BMPER: variants seen among roughly 807,000 people sequenced by gnomAD.
BMPER encodes BMP-binding endothelial regulator protein.
BMPER carries 45 observed loss-of-function variants against 87.3 expected under a neutral mutation model. The observed-to-expected ratio is 0.52, with a 90% CI of 0.41 to 0.66. BMPER has a LOEUF of 0.66. BMPER is among the 30% of genes least tolerant of loss of function. BMPER has a pLI of 0.00. For synonymous variants in BMPER, 326 were observed against 316.2 expected (o/e 1.03, Z -0.33); for missense variants, 784 against 867.5 (o/e 0.90, Z 1.21).
intron 6 of BMPER, among the ~76,000 whole-genome samples, chr7:33,986,703 T>C (rs1264876996): frequency 6.6e-6 from 1 of 152,070 alleles, no homozygotes; most frequent in Non-Finnish European, 1.5e-5. Flanking sequence ...AGTCTAAGAA[T>C]GTATCATTCT....
At chr7:34,123,006 C>G (rs1790302022) in intron 13 of BMPER, among the ~76,000 whole-genome samples, 1 of 152,134 alleles carries the variant, frequency 6.6e-6, no homozygotes, top group South Asian at 2.1e-4. Context: ...TTTAAGAACT[C>G]TATATCAGCC....
intron 6 of BMPER, among the ~76,000 whole-genome samples, chr7:33,992,738 T>G (rs1786262044): frequency 6.7e-6 from 1 of 150,366 alleles, no homozygotes; most frequent in Admixed American, 6.6e-5. Flanking sequence ...TTTGGCATGA[T>G]TTTGCAGCGG....
intron 6 of BMPER, among the ~76,000 whole-genome samples, chr7:33,990,121 A>T (rs1430401993): frequency 1.4e-5 from 2 of 148,092 alleles, no homozygotes; most frequent in Admixed American, 1.4e-4. Flanking sequence ...TGCCATATGA[A>T]CTTTAAAGTA....
chr7:34,037,646 AGACTG>A (rs1371795901), intron 6 of BMPER, among the ~76,000 whole-genome samples: 1 of 152,242 alleles, frequency 6.6e-6, no homozygotes, highest in African/African-American at 2.4e-5. Context: ...CTGGCCAGCA[AGACTG>A]GCATAGCGCC....
At chr7:34,046,468 G>T (rs1311256690) in intron 7 of BMPER, 63 bp downstream of exon 7, 3 of 1,507,374 alleles carry the variant, frequency 2.0e-6, no homozygotes, top group Non-Finnish European at 2.8e-6. Flanking sequence ...TGCTGGGAGT[G>T]TTTATCCACG....
At chr7:33,961,550 G>A (rs916790830) in intron 3 of BMPER, among the ~76,000 whole-genome samples, 1 of 152,200 alleles carries the variant, frequency 6.6e-6, no homozygotes, top group Non-Finnish European at 1.5e-5. Flanking sequence ...GAAATAACCA[G>A]CAGCTTAGCT....
chr7:33,964,615 C>G (rs1229485705), intron 3 of BMPER, among the ~76,000 whole-genome samples: 1 of 152,138 alleles, frequency 6.6e-6, no homozygotes, highest in Admixed American at 6.5e-5. Context: ...TACCTTTTAT[C>G]CCATAAAGAG....
intron 3 of BMPER, among the ~76,000 whole-genome samples, chr7:33,956,243 A>G (rs1017441222): frequency 2.0e-5 from 3 of 152,218 alleles, no homozygotes; most frequent in Non-Finnish European, 4.4e-5. Context: ...TTACCTCATC[A>G]ATATAACAAT....
chr7:33,963,483 T>C (rs1017298588), intron 3 of BMPER, among the ~76,000 whole-genome samples: 20 of 152,142 alleles, frequency 1.3e-4, no homozygotes, highest in Non-Finnish European at 2.5e-4. Flanking sequence ...AAAGTATCAG[T>C]CCACAGTGGA....
intron 13 of BMPER, among the ~76,000 whole-genome samples, chr7:34,129,666 A>AAGAC (rs1491454304): frequency 1.2e-4 from 18 of 151,140 alleles, no homozygotes; most frequent in African/African-American, 4.2e-4. Context: ...GAAAGAAAGA[A>AAGAC]AGAAAGAAAG....
chr7:33,973,057 C>A (rs2128619329), intron 5 of BMPER, among the ~76,000 whole-genome samples: 1 of 152,290 alleles, frequency 6.6e-6, no homozygotes, highest in South Asian at 2.1e-4. Context: ...CTTCCCGAAG[C>A]AGATTTTAGG....
chr7:34,037,662 C>T (rs1787716846), intron 6 of BMPER, among the ~76,000 whole-genome samples: 1 of 152,138 alleles, frequency 6.6e-6, no homozygotes, highest in African/African-American at 2.4e-5. Flanking sequence ...GCATAGCGCC[C>T]CTGAAAAGAC....
chr7:34,146,314 C>G (rs557842918), intron 14 of BMPER, among the ~76,000 whole-genome samples: 6 of 152,060 alleles, frequency 3.9e-5, no homozygotes, highest in Non-Finnish European at 1.5e-5. Context: ...AAGAAGTCAG[C>G]CAGGCGAGAA....
At chr7:34,071,302 T>G (rs1788731735) in intron 11 of BMPER, among the ~76,000 whole-genome samples, 1 of 152,212 alleles carries the variant, frequency 6.6e-6, no homozygotes, top group Admixed American at 6.5e-5. Context: ...GAGTATCTCT[T>G]ATGTTCTAGG....
chr7:34,117,846 C>G (rs973353384), intron 13 of BMPER, among the ~76,000 whole-genome samples: 3 of 152,168 alleles, frequency 2.0e-5, no homozygotes, highest in African/African-American at 7.2e-5. Flanking sequence ...CGCAGGCCAT[C>G]CTAAGGGAAT....
intron 2 of BMPER, among the ~76,000 whole-genome samples, chr7:33,931,244 A>G (rs1784472870): frequency 6.6e-6 from 1 of 152,180 alleles, no homozygotes; most frequent in Admixed American, 6.5e-5. Flanking sequence ...ATTGGAGCTA[A>G]CCTAATTTGA....
At chr7:33,905,536 T>A (rs1297754278), upstream of BMPER, 2 of 1,554,672 alleles carry the variant, frequency 1.3e-6, no homozygotes, top group Non-Finnish European at 1.7e-6. Flanking sequence ...GAGAGCCCTT[T>A]TCGACTGTGA....
intron 13 of BMPER, among the ~76,000 whole-genome samples, chr7:34,124,452 T>TG (rs1332695434): frequency 3.7e-5 from 1 of 26,802 alleles, no homozygotes; most frequent in African/African-American, 1.0e-4. Context: ...TTGTAAAGTT[T>TG]TTTTTTTTTT....
chr7:34,146,097 CAGTT>C (rs1791011567), intron 14 of BMPER, among the ~76,000 whole-genome samples: 1 of 152,054 alleles, frequency 6.6e-6, no homozygotes, highest in African/African-American at 2.4e-5. Flanking sequence ...CACAGACTGA[CAGTT>C]GGTACATGAA....
Sources: allele counts gnomAD v4.1 joint callset (sites outside exome capture counted in the v4.1 genomes callset), GRCh38; gene constraint gnomAD v4.1.1; transcripts MANE v1.5; gene names NCBI Gene and HGNC (gene_info 2026-07-23, HGNC 2026-07-21).